The following GPM6B variants were observed in gnomAD, a reference collection of about 807,000 sequenced individuals.
The protein encoded by GPM6B is neuronal membrane glycoprotein M6-b.
In GPM6B, 4 loss-of-function variants were observed where a neutral mutation model predicts 27.2. The observed-to-expected ratio is 0.15, with a 90% CI of 0.07 to 0.34. The LOEUF (loss-of-function observed/expected upper bound fraction) is 0.34. Ranked by LOEUF, GPM6B falls within the 10% of genes least tolerant of loss-of-function variation. The pLI is 1.00. For synonymous variants in GPM6B, 124 were observed against 103.1 expected, an observed-to-expected ratio of 1.20 and a Z score of -1.23; for missense variants, 183 against 261.9, an observed-to-expected ratio of 0.70 and a Z score of 2.08.
intron 1 of GPM6B, among the ~76,000 whole-genome samples, chrX:13,833,550 T>TAAAAAAAAAAAAA (rs755832950): frequency 1.3e-4 from 9 of 71,521 alleles, no homozygotes; most frequent in African/African-American, 4.8e-4. Context: ...CTCTATCTCT[T>TAAAAAAAAAAAAA]AAAAAAAAAA....
At chrX:13,847,236 G>A (rs2049660698) in intron 1 of GPM6B, among the ~76,000 whole-genome samples, 2 of 111,464 alleles carry the variant, frequency 1.8e-5, no homozygotes, top group Admixed American at 9.6e-5. Flanking sequence ...GGAAAATTTG[G>A]CAGAAAATCA....
intron 1 of GPM6B, among the ~76,000 whole-genome samples, chrX:13,814,379 A>G: frequency 8.9e-6 from 1 of 112,253 alleles, no homozygotes; most frequent in Non-Finnish European, 1.9e-5. Flanking sequence ...TATGTGCATA[A>G]AAAACTCTGC....
chrX:13,819,423 T>C, upstream of GPM6B, among the ~76,000 whole-genome samples: 1 of 112,125 alleles, frequency 8.9e-6, no homozygotes, highest in Middle Eastern at 4.2e-3. Flanking sequence ...GGATGGAAAA[T>C]GTCTTCCAGA....
intron 1 of GPM6B, among the ~76,000 whole-genome samples, chrX:13,911,504 C>T: frequency 8.9e-6 from 1 of 112,202 alleles, no homozygotes; most frequent in Non-Finnish European, 1.9e-5. Context: ...GTAGTTACTG[C>T]GGTTAAAGAA....
At position 13,783,015 on chromosome X, in the gene GPM6B, T is replaced by C. The variant is rs145134436; in HGVS notation, c.525+350A>G. ...ATTTTCCATGGTTCATGTATGTCTT[T>C]ATGGCTATGATCCATATTTAAAGAC... On this transcript the variant is annotated intron_variant, in intron 4 of 7. Coordinates refer to ENST00000316715, the MANE Select transcript of GPM6B (RefSeq NM_001001995.3). 6.6e-3 allele frequency among the ~76,000 whole-genome samples: 744 copies of C among 112,085 alleles called. 8 individuals carry two copies. Among genetic ancestry groups the C allele is most frequent in the African/African-American group, 0.023 (706 of 30,835 alleles).
chrX:13,819,070 GAAC>G (rs1463651235), upstream of GPM6B, among the ~76,000 whole-genome samples: 1 of 112,060 alleles, frequency 8.9e-6, no homozygotes, highest in Non-Finnish European at 1.9e-5. Context: ...CTTAATTTAA[GAAC>G]AACTCTAGTT....
chrX:13,911,425 G>GA (rs992588959), intron 1 of GPM6B, among the ~76,000 whole-genome samples: 2 of 112,134 alleles, frequency 1.8e-5, no homozygotes, highest in Non-Finnish European at 3.8e-5. Flanking sequence ...GGTGATGATG[G>GA]AAATATACTG....
At position 13,807,823 on chromosome X, in the gene GPM6B, A is replaced by G. The variant is rs1386335795; in HGVS notation, c.62-54T>C. 5.5e-6 allele frequency: 6 copies of G among 1,081,763 alleles called. No individual in the cohort carries two copies. In the South Asian group the frequency reaches 7.3e-5, roughly 13 times the overall value. 89.1% of individuals were successfully genotyped at this position (1,081,763 alleles called of 1,213,427 possible). On this transcript the variant is annotated intron_variant, in intron 1 of 7. Transcript: ENST00000316715. ...TGTCTCTATCTCCAGCAAAGATTCT[A>G]TATCAGCATTTTTATTTATTCTTTA...
At chrX:13,853,780 T>C (rs751826698) in intron 1 of GPM6B, among the ~76,000 whole-genome samples, 1 of 110,313 alleles carries the variant, frequency 9.1e-6, no homozygotes, top group Non-Finnish European at 1.9e-5. Flanking sequence ...AGGCTGGTCA[T>C]GGAGGCACCC....
intron 4 of GPM6B, 27 bp from the exon 5 acceptor site, chrX:13,780,016 T>C (rs750281727): frequency 4.8e-5 from 54 of 1,136,354 alleles, no homozygotes; most frequent in Non-Finnish European, 6.1e-5. Context: ...GGAAGGACAA[T>C]CATCACTGAA....
At chrX:13,865,837 AAC>A (rs1258128308) in intron 1 of GPM6B, among the ~76,000 whole-genome samples, 1 of 109,947 alleles carries the variant, frequency 9.1e-6, no homozygotes, top group Non-Finnish European at 1.9e-5. Context: ...CTTGGATAAA[AAC>A]ACAGACTACT....
At chrX:13,897,216 AACC>A (rs1435042400) in intron 1 of GPM6B, among the ~76,000 whole-genome samples, 1 of 112,057 alleles carries the variant, frequency 8.9e-6, no homozygotes, top group African/African-American at 3.2e-5. Flanking sequence ...CACATTTTTA[AACC>A]ACCTTAATTG....
intron 3 of GPM6B, chrX:13,783,809 T>TCA (rs936748862): frequency 4.9e-6 from 2 of 411,708 alleles, no homozygotes; most frequent in Non-Finnish European, 9.0e-6. Context: ...GTTAGAATCC[T>TCA]CATTTTGCAC....
chrX:13,864,660 G>A (rs1012080772), intron 1 of GPM6B, among the ~76,000 whole-genome samples: 8 of 112,610 alleles, frequency 7.1e-5, no homozygotes, highest in African/African-American at 1.9e-4. Flanking sequence ...ACAGAGAAAT[G>A]AAAGGGAGTG....
At chrX:13,783,255 A>T in intron 4 of GPM6B, 110 bp downstream of exon 4, 2 of 611,945 alleles carry the variant, frequency 3.3e-6, no homozygotes, top group South Asian at 3.3e-5. Context: ...TGTGTCATGG[A>T]CCCTCCATTC....
At chrX:13,788,263 C>G (rs2048649649) in intron 2 of GPM6B, among the ~76,000 whole-genome samples, 1 of 111,692 alleles carries the variant, frequency 9.0e-6, no homozygotes, top group South Asian at 3.7e-4. Context: ...GTACACAAAA[C>G]TGAAATAAGA....
rs941520445 is a variant in GPM6B at position 13,800,255 on chromosome X, T to C, written c.181+7395A>G. On this transcript the variant is annotated intron_variant, in intron 2 of 7. Coordinates refer to ENST00000316715, the MANE Select transcript of GPM6B (RefSeq NM_001001995.3). The stretch of plus-strand genomic sequence containing the variant: ...GGCCCTCAGTCCCAAAGTAACCAAG[T>C]CCTGCCAGTAGCCACATGAATGAGC... Among the ~76,000 whole-genome samples the C allele has an allele frequency of 6.3e-5, 7 of 111,905 alleles. No individual in the cohort carries two copies. In the South Asian group the frequency reaches 2.6e-3, roughly 42 times the overall value.
chrX:13,895,304 T>C (rs1207877092), intron 1 of GPM6B, among the ~76,000 whole-genome samples: 1 of 110,863 alleles, frequency 9.0e-6, no homozygotes, highest in Non-Finnish European at 1.9e-5. Flanking sequence ...TTTTTTTTCA[T>C]TTTTAGTTGT....
chrX:13,902,613 G>A (rs2050292429), intron 1 of GPM6B, among the ~76,000 whole-genome samples: 1 of 110,888 alleles, frequency 9.0e-6, no homozygotes, highest in Admixed American at 9.6e-5. Context: ...CCACCTGAAG[G>A]AGCTGCCCAA....
Sources: gnomAD v4.1 joint callset for allele counts (sites outside exome capture counted in the v4.1 genomes callset) on GRCh38, gnomAD v4.1.1 for gene constraint, MANE v1.5 for transcripts, NCBI Gene and HGNC (gene_info 2026-07-23, HGNC 2026-07-21) for gene names.